The following CFAP61 variants were observed in gnomAD, a reference collection of about 807,000 sequenced individuals.
The protein encoded by CFAP61 is cilia- and flagella-associated protein 61.
A neutral mutation model predicts 135.6 loss-of-function variants in CFAP61; 107 were observed. The observed-to-expected ratio is 0.79, with a 90% confidence interval of 0.67 to 0.93. The LOEUF (loss-of-function observed/expected upper bound fraction) is 0.93. CFAP61 is among the 40% of genes least tolerant of loss of function. CFAP61 has a pLI of 0.00. For synonymous variants in CFAP61, 575 were observed against 578.5 expected, an observed-to-expected ratio of 0.99 and a Z score of 0.09; for missense variants, 1,507 against 1,556.2, an observed-to-expected ratio of 0.97 and a Z score of 0.53.
At chr20:20,165,600 A>T (rs1257310182) in intron 11 of CFAP61, among the ~76,000 whole-genome samples, 1 of 151,280 alleles carries the variant, frequency 6.6e-6, no homozygotes, top group Non-Finnish European at 1.5e-5. Context: ...CCTGGATTCC[A>T]CATCTCCTTA....
Position 20,359,347 on chromosome 20 carries a change from TTTTTTA to T in CFAP61, c.3514-856_3514-851del, listed in dbSNP as rs1251665182. ...AAGTAAAAAGGTTTAATCACTCCTT[TTTTTTA>T]TTTTTAAATTTTTTTATTTTTAAAA... On this transcript the variant is annotated intron_variant, in intron 26 of 26. Transcript: ENST00000245957. The surrounding 1 kb of genome is among the most constrained non-coding windows in gnomAD (Gnocchi z 4.0). 6.6e-6 allele frequency among the ~76,000 whole-genome samples: 1 copy of T among 152,040 alleles called. No homozygotes were observed. The highest frequency in any genetic ancestry group is 1.5e-5 in the Non-Finnish European group (1 of 67,982).
chr20:20,233,623 G>A (rs1207347031), intron 18 of CFAP61, among the ~76,000 whole-genome samples: 4 of 152,154 alleles, frequency 2.6e-5, no homozygotes, highest in Non-Finnish European at 5.9e-5. Context: ...AGTCTCCCCA[G>A]GCAGCAAGAG....
intron 18 of CFAP61, among the ~76,000 whole-genome samples, chr20:20,229,967 T>A (rs929941916): frequency 3.5e-4 from 53 of 152,246 alleles, no homozygotes; most frequent in Non-Finnish European, 6.9e-4. Context: ...AACAGCAAGT[T>A]TTATGCAACC....
At chr20:20,101,943 A>G in intron 8 of CFAP61, among the ~76,000 whole-genome samples, 1 of 152,106 alleles carries the variant, frequency 6.6e-6, no homozygotes, top group East Asian at 1.9e-4. Flanking sequence ...TTTCACTTTA[A>G]TAAGTTATTT....
At chr20:20,306,064 A>G (rs913964066) in intron 25 of CFAP61, among the ~76,000 whole-genome samples, 7 of 152,188 alleles carry the variant, frequency 4.6e-5, no homozygotes, top group Non-Finnish European at 1.0e-4. Flanking sequence ...GATGAAAACT[A>G]GGGGTCTTTT....
At chr20:20,056,195 C>G (rs1164750721) in intron 1 of CFAP61, 4 of 576,532 alleles carry the variant, frequency 6.9e-6, no homozygotes, top group Non-Finnish European at 1.2e-5. Flanking sequence ...CTCAAGACTG[C>G]TGACCTTCAG....
chr20:20,321,491 G>A (rs1473319002), intron 25 of CFAP61, among the ~76,000 whole-genome samples: 1 of 152,154 alleles, frequency 6.6e-6, no homozygotes, highest in Non-Finnish European at 1.5e-5. Context: ...TAGATTTAAG[G>A]TAAAAAGGAG....
intron 17 of CFAP61, among the ~76,000 whole-genome samples, chr20:20,206,328 A>G (rs145860497): frequency 4.3e-4 from 65 of 152,344 alleles, no homozygotes; most frequent in African/African-American, 1.5e-3. Flanking sequence ...GGTTTTTAGT[A>G]TATTCTCAGA....
intron 25 of CFAP61, among the ~76,000 whole-genome samples, 188 bp downstream of exon 25, chr20:20,298,574 G>C (rs1473054191): frequency 1.3e-5 from 2 of 152,218 alleles, no homozygotes; most frequent in African/African-American, 4.8e-5. Flanking sequence ...AGAGTCACAG[G>C]ATGTGTCCAC....
intron 25 of CFAP61, among the ~76,000 whole-genome samples, chr20:20,335,571 C>G (rs941126826): frequency 3.9e-5 from 6 of 152,276 alleles, no homozygotes; most frequent in African/African-American, 1.4e-4. Context: ...CATACTTCAT[C>G]CCAGAACATA....
intron 13 of CFAP61, among the ~76,000 whole-genome samples, chr20:20,179,598 A>G (rs905362928): frequency 6.6e-6 from 1 of 152,196 alleles, no homozygotes; most frequent in Non-Finnish European, 1.5e-5. Flanking sequence ...AAAAGAACAA[A>G]GCTGGAGGCA....
At chr20:20,275,360 A>T (rs2053674322) in intron 21 of CFAP61, among the ~76,000 whole-genome samples, 1 of 152,236 alleles carries the variant, frequency 6.6e-6, no homozygotes, top group South Asian at 2.1e-4. Context: ...AGATAACCGA[A>T]GTCTCATATT....
intron 18 of CFAP61, among the ~76,000 whole-genome samples, chr20:20,231,102 A>G (rs2049102642): frequency 6.6e-6 from 1 of 152,170 alleles, no homozygotes; most frequent in African/African-American, 2.4e-5. Flanking sequence ...TTTCTTCCCC[A>G]AGTGCTGAGG....
intron 26 of CFAP61, among the ~76,000 whole-genome samples, chr20:20,348,544 G>T (rs2122418669): frequency 6.6e-6 from 1 of 151,990 alleles, no homozygotes; most frequent in South Asian, 2.1e-4. Context: ...AAAAAAATTA[G>T]CCAAGCATGG....
intron 17 of CFAP61, 91 bp downstream of exon 17, chr20:20,199,993 C>A: frequency 6.9e-7 from 1 of 1,449,882 alleles, no homozygotes; most frequent in Non-Finnish European, 9.5e-7. Context: ...CAGGAGCAGG[C>A]TGCTTCTTAA....
At chr20:20,175,350 G>T (rs1318254517) in intron 13 of CFAP61, among the ~76,000 whole-genome samples, 1 of 152,212 alleles carries the variant, frequency 6.6e-6, no homozygotes, top group East Asian at 1.9e-4. Context: ...AGCAGCATCT[G>T]CTGAGACTTT....
At chr20:20,257,341 G>A (rs78546577) in intron 20 of CFAP61, among the ~76,000 whole-genome samples, 2,062 of 152,286 alleles carry the variant, frequency 0.014, 50 homozygotes, top group African/African-American at 0.047. Flanking sequence ...TCAGCCAGGC[G>A]TGGTGGCTCA....
In CFAP61 at chr20:20,142,837, T is replaced by C. The variant is rs1465160039; in HGVS notation, c.860-20T>C. The C allele has an allele frequency of 7.0e-7, 1 of 1,430,854 alleles. No individual in the cohort carries two copies. The highest frequency in any genetic ancestry group is 9.8e-7 in the Non-Finnish European group (1 of 1,022,052). 88.6% of individuals were successfully genotyped at this position (1,430,854 alleles called of 1,614,324 possible). A position where few individuals can be genotyped will look rare whatever the true frequency, so the allele number is the denominator to read the frequency against. On this transcript the variant is annotated intron_variant, in intron 8 of 26. Transcript: ENST00000245957. ...ATTTATCATCTATTTTCTGTCATTA[T>C]TCTATCCCTTCTCTCAAAGATGCTG... is the stretch of plus-strand genomic sequence containing the variant.
At position 20,353,878 on chromosome 20, in the gene CFAP61, T is replaced by C. The variant is rs560430769; in HGVS notation, c.3514-6332T>C. 3.9e-5 allele frequency among the ~76,000 whole-genome samples: 6 copies of C among 152,330 alleles called. No homozygotes were observed. The South Asian group carries it at 1.2e-3, about 32-fold the overall frequency. On this transcript the variant is annotated intron_variant, in intron 26 of 26. Coordinates refer to ENST00000245957, the MANE Select transcript of CFAP61 (RefSeq NM_015585.4). The stretch of plus-strand genomic sequence containing the variant: ...AATTCTTGTTCACTGTTGGTGGTAA[T>C]ATAGATTGGTTCAGCCATTTTGGAA...
Sources: allele counts gnomAD v4.1 joint callset (sites outside exome capture counted in the v4.1 genomes callset), GRCh38; gene constraint gnomAD v4.1.1; non-coding constraint Gnocchi (gnomAD v3.1); transcripts MANE v1.5; gene names NCBI Gene and HGNC (gene_info 2026-07-23, HGNC 2026-07-21).